SGSM3: variants seen among roughly 807,000 people sequenced by gnomAD.
The protein encoded by SGSM3 is small G protein signaling modulator 3.
In SGSM3, 96 loss-of-function variants were observed where a neutral mutation model predicts 100.5. That is an observed-to-expected ratio of 0.96 (90% CI 0.81 to 1.13). SGSM3 has a LOEUF of 1.13. Ranked by LOEUF, SGSM3 falls within the 50% of genes most tolerant of loss-of-function variation. SGSM3 has a pLI of 0.00. For missense variants in SGSM3, 1,001 were observed against 1,015.8 expected (o/e 0.99, Z 0.20); for synonymous variants, 483 against 422.8 (o/e 1.14, Z -1.75).
chr22:40,378,895 C>A (rs2047089166), intron 1 of SGSM3, among the ~76,000 whole-genome samples: 2 of 152,104 alleles, frequency 1.3e-5, no homozygotes, highest in South Asian at 2.1e-4. Flanking sequence ...CCTCACTTTT[C>A]CAACCTAGTC....
chr22:40,388,966 G>A (rs1472422734), intron 1 of SGSM3, among the ~76,000 whole-genome samples: 1 of 152,154 alleles, frequency 6.6e-6, no homozygotes, highest in Admixed American at 6.5e-5. Context: ...GAATATGGAG[G>A]AGCTGCCCAC....
chr22:40,409,738 C>T lies in SGSM3; in HGVS notation c.2229C>T (p.Phe743=). The T allele has an allele frequency of 6.2e-7, 1 of 1,610,756 alleles. No individual in the cohort carries two copies. The highest frequency in any genetic ancestry group is 1.1e-5 in the South Asian group (1 of 91,048). ...VRDMLVKHHL[F]SWDVDG is the part of the protein sequence containing the mutation. ...ACATGCTGGTGAAGCACCACCTCTT[C>T]AGCTGGGATGTGGACGGGTGACCCC... is the stretch of plus-strand genomic sequence containing the variant. Residue 743 remains phenylalanine (F), a synonymous_variant, in exon 22 of 22, where the codon TTC becomes TTT. Transcript: ENST00000248929.
intron 1 of SGSM3, among the ~76,000 whole-genome samples, chr22:40,399,276 G>T (rs9619864): frequency 9.2e-4 from 140 of 151,964 alleles, no homozygotes; most frequent in African/African-American, 3.1e-3. Context: ...GTGAGCCACC[G>T]CGCCCAGCCA....
chr22:40,391,307 A>AT (rs1437972723), intron 1 of SGSM3, among the ~76,000 whole-genome samples: 2 of 152,132 alleles, frequency 1.3e-5, no homozygotes, highest in African/African-American at 4.8e-5. Flanking sequence ...TACACTCTGT[A>AT]TTTTGAGAAC....
Position 40,405,420 on chromosome 22 carries a change from C to A in SGSM3, c.618+136C>A, listed in dbSNP as rs577520934. 6.8e-5 allele frequency: 65 copies of A among 949,342 alleles called. No homozygotes were observed. The East Asian group carries it at 1.8e-3, about 26-fold the overall frequency. The allele number at this position is 949,342 out of a possible 1,614,324, so 58.8% of individuals were successfully genotyped here. On this transcript the variant is annotated intron_variant, in intron 7 of 21. Transcript: ENST00000248929. ...CCTAACAAGGAGTGGCCTCCCACTC[C>A]GGGGCGTCCCCAAGGAGATCGGGGC...
At chr22:40,391,699 TA>T (rs2049380749) in intron 1 of SGSM3, among the ~76,000 whole-genome samples, 1 of 152,254 alleles carries the variant, frequency 6.6e-6, no homozygotes, top group South Asian at 2.1e-4. Context: ...GCCTATTGAC[TA>T]TGTTTATAAT....
chr22:40,376,268 C>G (rs897234227), intron 1 of SGSM3: 3 of 129,854 alleles, frequency 2.3e-5, no homozygotes, highest in Non-Finnish European at 3.1e-5. Flanking sequence ...ACTTACGGCT[C>G]TGCTGCTTGC....
Position 40,407,966 on chromosome 22 carries a change from G to A in SGSM3, c.1580-105G>A. The A allele has an allele frequency of 3.4e-6, 5 of 1,461,678 alleles. No homozygotes were observed. The highest frequency in any genetic ancestry group is 4.7e-6 in the Non-Finnish European group (5 of 1,063,164). The allele number at this position is 1,461,678 out of a possible 1,614,324, so 90.5% of individuals were successfully genotyped here. A position where few individuals can be genotyped will look rare whatever the true frequency, so the allele number is the denominator to read the frequency against. On this transcript the variant is annotated intron_variant, in intron 14 of 21. Coordinates refer to ENST00000248929, the MANE Select transcript of SGSM3 (RefSeq NM_015705.6). The surrounding 1 kb of genome is among the most constrained non-coding windows in gnomAD (Gnocchi z 4.7). ...TACACCTGCCTGGCTTGAGGTCCCT[G>A]AAGCAGCTGAGCCGGCTTCCCACTG...
intron 1 of SGSM3, among the ~76,000 whole-genome samples, chr22:40,385,158 T>C (rs9611324): frequency 0.31 from 47,460 of 152,032 alleles, 9,680 homozygotes; most frequent in African/African-American, 0.56. Context: ...AATGAAGCCA[T>C]AGGAACTGGA....
chr22:40,405,362 CG>C, intron 7 of SGSM3, 78 bp downstream of exon 7: 1 of 1,336,422 alleles, frequency 7.5e-7, no homozygotes, highest in South Asian at 1.7e-5. Context: ...CCTCCCGCTA[CG>C]GGGCAGTAGC....
At position 40,400,781 on chromosome 22, in the gene SGSM3, A is replaced by G; in HGVS notation, c.-26A>G. The G allele has an allele frequency of 6.4e-7, 1 of 1,551,114 alleles. No homozygotes were observed. Among genetic ancestry groups the G allele is most frequent in the Non-Finnish European group, 8.7e-7 (1 of 1,146,638 alleles). On this transcript the variant is annotated 5_prime_UTR_variant, in exon 2 of 22. Transcript: ENST00000248929. ...AGGAGACTTCTAAGATTGGAGCTGC[A>G]GAAGACTTGCCAGCCCACCAGCACA...
intron 1 of SGSM3, among the ~76,000 whole-genome samples, chr22:40,377,211 G>T (rs1486047333): frequency 6.6e-6 from 1 of 152,222 alleles, no homozygotes; most frequent in Admixed American, 6.5e-5. Flanking sequence ...TAGGTGGTAG[G>T]CACATGGCCC....
At chr22:40,390,160 A>G (rs1053081840) in intron 1 of SGSM3, 28 of 152,168 alleles carry the variant, frequency 1.8e-4, no homozygotes, top group African/African-American at 6.5e-4. Context: ...AATGTGGGGC[A>G]CCCTAATGTC....
At chr22:40,397,191 T>C (rs1204003190) in intron 1 of SGSM3, among the ~76,000 whole-genome samples, 1 of 152,166 alleles carries the variant, frequency 6.6e-6, no homozygotes, top group Non-Finnish European at 1.5e-5. Flanking sequence ...GTGGGAGAAG[T>C]GGCGTGTTTA....
At chr22:40,408,897 G>C in intron 18 of SGSM3, 36 bp from the exon 19 acceptor site, 2 of 1,613,924 alleles carry the variant, frequency 1.2e-6, no homozygotes, top group Non-Finnish European at 1.7e-6. Flanking sequence ...TAGCCTGTGG[G>C]GGAGCCTGAG....
chr22:40,382,677 G>A (rs772564182), intron 1 of SGSM3, among the ~76,000 whole-genome samples: 4 of 152,222 alleles, frequency 2.6e-5, no homozygotes, highest in African/African-American at 4.8e-5. Flanking sequence ...TGGATGGGAC[G>A]TAGACCCCAC....
In SGSM3 at chr22:40,408,933, G is replaced by T; in HGVS notation, c.1903G>T (p.Ala635Ser). 6.2e-7 allele frequency: 1 copy of T among 1,612,786 alleles called. No homozygotes were observed. Among genetic ancestry groups the T allele is most frequent in the Non-Finnish European group, 8.5e-7 (1 of 1,179,488 alleles). ...VLTPEELLYR[A>S]VQSVNVTHDA... ...TGACAGCTGACGGTGCCGTTCCCAG[G>T]CTGTGCAGTCTGTGAACGTGACCCA... The change falls in exon 19 of 22, where the codon GCT becomes TCT. Residue 635 changes from alanine (A) to serine (S), a missense_variant and splice_region_variant. Coordinates refer to ENST00000248929, the MANE Select transcript of SGSM3 (RefSeq NM_015705.6).
rs2052385374 is a variant in SGSM3, at chr22:40,410,007, G to A, written c.*248G>A. On this transcript the variant is annotated 3_prime_UTR_variant, in exon 22 of 22. Coordinates refer to ENST00000248929, the MANE Select transcript of SGSM3 (RefSeq NM_015705.6). ...GTACCAAAAACCTTGTGAGGAGGTG[G>A]GGGAGCCATGTCTGTGCTCAGGAAG... The A allele has an allele frequency of 7.5e-7, 1 of 1,338,594 alleles. No individual in the cohort carries two copies. Among genetic ancestry groups the A allele is most frequent in the Non-Finnish European group, 9.5e-7 (1 of 1,050,928 alleles). The allele number at this position is 1,338,594 out of a possible 1,614,324, so 82.9% of individuals were successfully genotyped here.
At chr22:40,371,168 G>A (rs2045384043) in intron 1 of SGSM3, among the ~76,000 whole-genome samples, 1 of 152,254 alleles carries the variant, frequency 6.6e-6, no homozygotes, top group Non-Finnish European at 1.5e-5. Context: ...CCGAGACTCG[G>A]AACACCGGTG....
Sources: allele counts gnomAD v4.1 joint callset (sites outside exome capture counted in the v4.1 genomes callset), GRCh38; gene constraint gnomAD v4.1.1; non-coding constraint Gnocchi (gnomAD v3.1); transcripts MANE v1.5; gene names NCBI Gene and HGNC (gene_info 2026-07-23, HGNC 2026-07-21).